Variants in ZNF92 observed in about 807,000 individuals in gnomAD.
The protein encoded by ZNF92 is epididymis luminal protein 203.
Under a neutral mutation model 12.4 loss-of-function variants are expected in ZNF92, and 11 were observed. The observed-to-expected ratio is 0.89, with a 90% confidence interval of 0.56 to 1.47. ZNF92 has a LOEUF of 1.47. Among genes scored for constraint, ZNF92 ranks in the 40% most tolerant of loss-of-function variants. The pLI, the probability that ZNF92 is intolerant of heterozygous loss-of-function variation, is 0.00. For missense variants in ZNF92, 622 were observed against 681.0 expected (o/e 0.91, Z 0.96); for synonymous variants, 206 against 228.6 (o/e 0.90, Z 0.89).
chr7:65,376,204 C>T (rs1362541133), intron 1 of ZNF92, among the ~76,000 whole-genome samples: 3 of 152,022 alleles, frequency 2.0e-5, no homozygotes, highest in Non-Finnish European at 4.4e-5. Context: ...TGAGGCACCA[C>T]GCCTGCTGAC....
chr7:65,379,588 C>T (rs1793346603), intron 1 of ZNF92, among the ~76,000 whole-genome samples: 1 of 152,108 alleles, frequency 6.6e-6, no homozygotes. Context: ...TGCACACACT[C>T]CTCCCAGGAC....
chr7:65,386,770 A>G (rs1793576512), intron 1 of ZNF92, among the ~76,000 whole-genome samples: 1 of 152,114 alleles, frequency 6.6e-6, no homozygotes, highest in Non-Finnish European at 1.5e-5. Context: ...TTGGGGAAGT[A>G]ATATCCCAGC....
intron 1 of ZNF92, among the ~76,000 whole-genome samples, chr7:65,377,881 A>T (rs923192907): frequency 1.3e-5 from 2 of 152,140 alleles, no homozygotes; most frequent in African/African-American, 4.8e-5. Context: ...TTACTTTCTA[A>T]AATAAAACAA....
At chr7:65,380,574 A>G (rs1205634029) in intron 1 of ZNF92, among the ~76,000 whole-genome samples, 1 of 151,998 alleles carries the variant, frequency 6.6e-6, no homozygotes, top group Non-Finnish European at 1.5e-5. Flanking sequence ...GCTCAACCAC[A>G]ATGTATTTTC....
intron 3 of ZNF92, among the ~76,000 whole-genome samples, chr7:65,397,417 T>C (rs2116404212): frequency 6.6e-6 from 1 of 152,184 alleles, no homozygotes; most frequent in East Asian, 1.9e-4. Flanking sequence ...CTCATTTATC[T>C]GATTTTCAGA....
intron 1 of ZNF92, among the ~76,000 whole-genome samples, chr7:65,378,471 G>A (rs1014291002): frequency 2.0e-5 from 3 of 152,018 alleles, no homozygotes; most frequent in African/African-American, 7.2e-5. Context: ...GGCCGGGCGT[G>A]GTGGCTCACA....
chr7:65,383,621 C>G (rs1793483481), intron 1 of ZNF92, among the ~76,000 whole-genome samples: 1 of 152,096 alleles, frequency 6.6e-6, no homozygotes, highest in Admixed American at 6.6e-5. Flanking sequence ...AACAAAGCAT[C>G]TTAGGAGTGA....
chr7:65,388,114 T>A, intron 2 of ZNF92, 86 bp downstream of exon 2: 3 of 1,405,144 alleles, frequency 2.1e-6, no homozygotes, highest in Non-Finnish European at 2.9e-6. Context: ...AATTTATGCT[T>A]TGCATAAATG....
At position 65,399,554 on chromosome 7, in the gene ZNF92, C is replaced by T. The variant is rs1171412336; in HGVS notation, c.1440C>T (p.Pro480=). 1 of 1,613,096 alleles carries T rather than the reference C, an allele frequency of 6.2e-7. No individual in the cohort carries two copies. Among genetic ancestry groups the T allele is most frequent in the Non-Finnish European group, 8.5e-7 (1 of 1,179,652 alleles). Residue 480 remains proline, a synonymous_variant, in exon 4 of 4, where the codon CCC becomes CCT. Transcript: ENST00000328747. ...KHKIIHTREK[P]YKCEECGKAF... ...AAATAATTCATACTAGAGAAAAACC[C>T]TACAAATGTGAAGAATGTGGCAAAG...
intron 1 of ZNF92, among the ~76,000 whole-genome samples, chr7:65,380,382 T>C (rs1199897643): frequency 6.6e-6 from 1 of 152,088 alleles, no homozygotes; most frequent in Non-Finnish European, 1.5e-5. Flanking sequence ...TCCTCCTACC[T>C]AAGCCCCCCA....
intron 1 of ZNF92, among the ~76,000 whole-genome samples, chr7:65,386,824 T>G (rs537526246): frequency 6.6e-6 from 1 of 152,232 alleles, no homozygotes; most frequent in African/African-American, 2.4e-5. Flanking sequence ...TATAAAAATT[T>G]GTCCTAGTTC....
intron 1 of ZNF92, among the ~76,000 whole-genome samples, chr7:65,376,735 G>A (rs1049292372): frequency 2.6e-5 from 4 of 152,116 alleles, no homozygotes; most frequent in Non-Finnish European, 5.9e-5. Flanking sequence ...GTGAGCCACC[G>A]CGCCTAGCCC....
rs776491079 is a variant in ZNF92, at chr7:65,373,885, A to G, written c.-113A>G. 7 of 1,455,514 alleles carry G rather than the reference A, an allele frequency of 4.8e-6. No homozygotes were observed. The highest frequency in any genetic ancestry group is 2.3e-5 in the East Asian group (1 of 43,986). The allele number at this position is 1,455,514 out of a possible 1,614,324, so 90.2% of individuals were successfully genotyped here. ...TCGCTGCAGCCGGCGCTCCACGTCTAGTCTTCACTGCTCTGCGTCCTGTGC... is the reference window on the plus strand; with the variant it reads ...TCGCTGCAGCCGGCGCTCCACGTCTGGTCTTCACTGCTCTGCGTCCTGTGC... On this transcript the variant is annotated 5_prime_UTR_variant, in exon 1 of 4. Coordinates refer to ENST00000328747, the MANE Select transcript of ZNF92 (RefSeq NM_152626.4).
chr7:65,398,343 ATG>A lies in ZNF92; in HGVS notation c.233_234del (p.Cys78PhefsTer31), dbSNP rs759623508. On this transcript the variant is annotated frameshift_variant, in exon 4 of 4. Transcript: ENST00000328747. LOFTEE classifies it low-confidence loss of function (END_TRUNC). ...RHEMVDKTPV[M>X]CSHFAQDVWP... ...CTTGTTATTTTTATTTTTTTCAGTTATGTGTTCTCATTTTGCCCAAGATGTTT... is the reference window on the plus strand; with the variant it reads ...CTTGTTATTTTTATTTTTTTCAGTTATGTTCTCATTTTGCCCAAGATGTTT... The A allele has an allele frequency of 1.3e-6, 2 of 1,535,974 alleles. No individual in the cohort carries two copies. Among genetic ancestry groups the A allele is most frequent in the African/African-American group, 1.4e-5 (1 of 71,972 alleles).
chr7:65,400,579 C>T lies in ZNF92; in HGVS notation c.*704C>T, dbSNP rs1002133472. 6.6e-6 allele frequency: 1 copy of T among 151,832 alleles called. No individual in the cohort carries two copies. Among genetic ancestry groups the T allele is most frequent in the Admixed American group, 6.6e-5 (1 of 15,260 alleles). The allele number at this position is 151,832 out of a possible 1,614,324, so 9.4% of individuals were successfully genotyped here. ...AGGCACTGATACTTCAGACATTACA[C>T]TAAATTAGAGTGTTGAGTATAGGAG... On this transcript the variant is annotated 3_prime_UTR_variant, in exon 4 of 4. Coordinates refer to ENST00000328747, the MANE Select transcript of ZNF92 (RefSeq NM_152626.4).
At position 65,374,112 on chromosome 7, in the gene ZNF92, G is replaced by C. The variant is rs1470384965; in HGVS notation, c.3+112G>C. The C allele has an allele frequency of 7.0e-5, 101 of 1,450,706 alleles. 4 individuals carry two copies. The South Asian group carries it at 1.0e-3, about 14-fold the overall frequency. 89.9% of individuals were successfully genotyped at this position (1,450,706 alleles called of 1,614,324 possible). A position where few individuals can be genotyped will look rare whatever the true frequency, so the allele number is the denominator to read the frequency against. ...CCCGCAGTCGGCTCCGAGATCCGCG[G>C]CCCGAGTTCTCCTTGGCGCAGCTCG... On this transcript the variant is annotated intron_variant, in intron 1 of 3. Transcript: ENST00000328747.
At chr7:65,393,812 A>G (rs1275375964) in intron 3 of ZNF92, among the ~76,000 whole-genome samples, 1 of 151,988 alleles carries the variant, frequency 6.6e-6, no homozygotes, top group East Asian at 1.9e-4. Context: ...ATAAAGATTC[A>G]ATTATTTAAA....
intron 1 of ZNF92, among the ~76,000 whole-genome samples, chr7:65,383,003 A>G (rs943366706): frequency 1.3e-5 from 2 of 152,120 alleles, no homozygotes; most frequent in East Asian, 1.9e-4. Flanking sequence ...GCTGAACACT[A>G]TAACCCACAC....
At chr7:65,382,036 C>T (rs887569947) in intron 1 of ZNF92, among the ~76,000 whole-genome samples, 1 of 152,070 alleles carries the variant, frequency 6.6e-6, no homozygotes, top group African/African-American at 2.4e-5. Flanking sequence ...AGGCACCTGG[C>T]TTCAAATTGC....
Sources: gnomAD v4.1 joint callset for allele counts (sites outside exome capture counted in the v4.1 genomes callset) on GRCh38, gnomAD v4.1.1 for gene constraint, MANE v1.5 for transcripts, NCBI Gene and HGNC (gene_info 2026-07-23, HGNC 2026-07-21) for gene names.